The following PIGL variants were observed in gnomAD, a reference collection of about 807,000 sequenced individuals.
The protein encoded by PIGL is phosphatidylinositol glycan anchor biosynthesis class L, also known as N-acetylglucosaminyl-phosphatidylinositol de-N-acetylase.
PIGL carries 22 observed loss-of-function variants against 31.1 expected under a neutral mutation model. The observed-to-expected ratio is 0.71, with a 90% CI of 0.51 to 1.01. The LOEUF (loss-of-function observed/expected upper bound fraction) is 1.01. Ranked by LOEUF, PIGL falls within the 50% of genes least tolerant of loss-of-function variation. The pLI is 0.00. For missense variants in PIGL, 302 were observed against 315.9 expected (o/e 0.96, Z 0.33); for synonymous variants, 131 against 117.4 (o/e 1.12, Z -0.75).
chr17:16,234,233 G>T, intron 2 of PIGL, 163 bp downstream of exon 2: 1 of 495,180 alleles, frequency 2.0e-6, no homozygotes, highest in South Asian at 3.5e-5. Context: ...ACTTTGGGAG[G>T]CCGAGGTGGG....
At chr17:16,299,823 T>A in intron 2 of PIGL, 65 bp from the exon 3 acceptor site, 1 of 1,175,596 alleles carries the variant, frequency 8.5e-7, no homozygotes, top group Non-Finnish European at 1.3e-6. Flanking sequence ...ATGCACCTAC[T>A]GGAGCTTAGG....
At chr17:16,254,814 G>A (rs945990986) in intron 2 of PIGL, among the ~76,000 whole-genome samples, 14 of 151,908 alleles carry the variant, frequency 9.2e-5, no homozygotes, top group Admixed American at 9.2e-4. Flanking sequence ...GTGTTAGCCA[G>A]GATGGTCTCA....
At chr17:16,311,700 G>C (rs2142859372) in intron 3 of PIGL, among the ~76,000 whole-genome samples, 1 of 150,196 alleles carries the variant, frequency 6.7e-6, no homozygotes, top group East Asian at 2.0e-4. Flanking sequence ...GTTTAACAAA[G>C]CACATCTTGC....
chr17:16,249,451 G>C (rs561699686), intron 2 of PIGL, among the ~76,000 whole-genome samples: 12 of 152,334 alleles, frequency 7.9e-5, no homozygotes, highest in African/African-American at 2.4e-4. Flanking sequence ...TCACACTCCA[G>C]CCTGGGCAAC....
At chr17:16,258,539 T>C (rs2092806727) in intron 2 of PIGL, among the ~76,000 whole-genome samples, 1 of 151,894 alleles carries the variant, frequency 6.6e-6, no homozygotes, top group African/African-American at 2.4e-5. Flanking sequence ...GTTTTGCTGC[T>C]GTTGCCCAGG....
At chr17:16,229,636 G>A (rs1348758761) in intron 1 of PIGL, among the ~76,000 whole-genome samples, 1 of 151,664 alleles carries the variant, frequency 6.6e-6, no homozygotes, top group Admixed American at 6.6e-5. Flanking sequence ...CCACATCTTT[G>A]TCAGCATTTG....
chr17:16,217,638 G>C (rs1298447533), intron 1 of PIGL, 177 bp downstream of exon 1: 25 of 539,008 alleles, frequency 4.6e-5, no homozygotes, highest in Admixed American at 1.0e-4. Flanking sequence ...TACCTGGTGG[G>C]TTGGGGGACG....
Position 16,325,052 on chromosome 17 carries a change from TG to T in PIGL, c.661-746del, listed in dbSNP as rs754423803. Reference sequence around the variant, plus strand: ...GGTAGTAGCAACGTGATTAAGAATGTGGACTCTAACTGGCCAGGCGCGGTGG... The same window carrying T: ...GGTAGTAGCAACGTGATTAAGAATGTGACTCTAACTGGCCAGGCGCGGTGG... On this transcript the variant is annotated intron_variant, in intron 6 of 6. Transcript: ENST00000225609. Among the ~76,000 whole-genome samples the T allele has an allele frequency of 4.7e-4, 71 of 152,144 alleles. No homozygotes were observed. In the Middle Eastern group the frequency reaches 0.027, roughly 58 times the overall value.
chr17:16,236,219 T>C (rs2092699268), intron 2 of PIGL, among the ~76,000 whole-genome samples: 1 of 152,332 alleles, frequency 6.6e-6, no homozygotes, highest in Middle Eastern at 3.4e-3. Context: ...ACAGTCGTGA[T>C]CTATTGTTTG....
intron 2 of PIGL, among the ~76,000 whole-genome samples, chr17:16,261,137 G>C (rs1258538094): frequency 7.1e-6 from 1 of 141,420 alleles, no homozygotes; most frequent in Non-Finnish European, 1.5e-5. Context: ...AAAAAAAAAA[G>C]AGCTGTAATA....
At chr17:16,288,367 C>T (rs2092946707) in intron 2 of PIGL, among the ~76,000 whole-genome samples, 2 of 151,876 alleles carry the variant, frequency 1.3e-5, no homozygotes, top group South Asian at 4.1e-4. Flanking sequence ...CCACCACGCC[C>T]AGCTAATTTT....
chr17:16,228,921 C>G (rs1226741870), intron 1 of PIGL, among the ~76,000 whole-genome samples: 7 of 152,108 alleles, frequency 4.6e-5, no homozygotes, highest in African/African-American at 1.7e-4. Flanking sequence ...TTATGCCTGG[C>G]TTATGCTAAT....
intron 2 of PIGL, among the ~76,000 whole-genome samples, chr17:16,245,649 C>T (rs1395428110): frequency 2.7e-5 from 4 of 150,534 alleles, no homozygotes; most frequent in East Asian, 2.0e-4. Context: ...ATGATCTGCC[C>T]GCCTCAGCCC....
At chr17:16,233,569 A>G (rs2092687499) in intron 1 of PIGL, among the ~76,000 whole-genome samples, 1 of 152,142 alleles carries the variant, frequency 6.6e-6, no homozygotes, top group Non-Finnish European at 1.5e-5. Context: ...TCATCCTTAA[A>G]TCAATGTTAA....
At chr17:16,317,523 C>T (rs2093083092) in intron 5 of PIGL, 17 of 1,233,322 alleles carry the variant, frequency 1.4e-5, no homozygotes, top group Non-Finnish European at 1.6e-5. Context: ...CAACCTCTAG[C>T]AGCCAACCTT....
In PIGL at chr17:16,292,877, T is replaced by C. The variant is rs1056160579; in HGVS notation, c.336-7011T>C. ...ACCAAGAGGGCTTCTCCTGTTCTAG[T>C]TATCAGCAAGAGGGACTAGACAAAG... On this transcript the variant is annotated intron_variant, in intron 2 of 6. Coordinates refer to ENST00000225609, the MANE Select transcript of PIGL (RefSeq NM_004278.4). Among the ~76,000 whole-genome samples the C allele has an allele frequency of 5.3e-5, 8 of 152,216 alleles. No homozygotes were observed. The South Asian group carries it at 1.7e-3, about 31-fold the overall frequency.
intron 2 of PIGL, among the ~76,000 whole-genome samples, chr17:16,266,618 G>T (rs979398856): frequency 6.6e-6 from 1 of 151,048 alleles, no homozygotes; most frequent in South Asian, 2.1e-4. Flanking sequence ...TTTTCTAGAC[G>T]GGAGTCTCGC....
intron 2 of PIGL, among the ~76,000 whole-genome samples, chr17:16,280,737 G>A (rs1963811): frequency 0.44 from 66,967 of 151,898 alleles, 15,438 homozygotes; most frequent in Middle Eastern, 0.54. Flanking sequence ...ATAGAGTCTC[G>A]CTCTGTCACC....
intron 2 of PIGL, among the ~76,000 whole-genome samples, chr17:16,287,387 C>T (rs1015368295): frequency 1.1e-4 from 16 of 152,234 alleles, no homozygotes; most frequent in African/African-American, 3.9e-4. Context: ...GAACACACAG[C>T]CAGTGCCCAT....
Sources: gnomAD v4.1 joint callset for allele counts (sites outside exome capture counted in the v4.1 genomes callset) on GRCh38, gnomAD v4.1.1 for gene constraint, MANE v1.5 for transcripts, NCBI Gene and HGNC (gene_info 2026-07-23, HGNC 2026-07-21) for gene names.